DNAJC1: variants seen among roughly 807,000 people sequenced by gnomAD.
DNAJC1 encodes the protein dnaJ homolog subfamily C member 1.
DNAJC1 carries 58 observed loss-of-function variants against 76.6 expected under a neutral mutation model. That is an observed-to-expected ratio of 0.76 (90% CI 0.61 to 0.94). The LOEUF (loss-of-function observed/expected upper bound fraction) is 0.94. DNAJC1 is among the 40% of genes least tolerant of loss of function. DNAJC1 has a pLI of 0.00. For synonymous variants in DNAJC1, 258 were observed against 267.9 expected, an observed-to-expected ratio of 0.96 and a Z score of 0.36; for missense variants, 689 against 677.3, an observed-to-expected ratio of 1.02 and a Z score of -0.19.
chr10:21,949,067 T>A (rs980578648), intron 1 of DNAJC1, among the ~76,000 whole-genome samples: 2 of 152,182 alleles, frequency 1.3e-5, no homozygotes, highest in Admixed American at 1.3e-4. Flanking sequence ...AAAATCTGTA[T>A]GTATATTTGG....
rs557749157 is a variant in DNAJC1, at chr10:21,912,020, T to C, written c.729+6759A>G. On this transcript the variant is annotated intron_variant, in intron 6 of 11. Coordinates refer to ENST00000376980, the MANE Select transcript of DNAJC1 (RefSeq NM_022365.4). ...TGCAACTTAGGGTATTTTCTCCTTA[T>C]GATGGGCTTATCAGGATGCAATCGA... 4.4e-4 allele frequency among the ~76,000 whole-genome samples: 67 copies of C among 152,310 alleles called. 1 individual carries two copies. The highest frequency in any genetic ancestry group is 1.5e-3 in the African/African-American group (64 of 41,574).
chr10:21,817,862 T>C lies in DNAJC1; in HGVS notation c.979-11763A>G, dbSNP rs150743765. Among the ~76,000 whole-genome samples, 879 of 152,322 alleles carry C rather than the reference T, an allele frequency of 5.8e-3. 2 individuals carry two copies. The highest frequency in any genetic ancestry group is 0.02 in the African/African-American group (830 of 41,572). On this transcript the variant is annotated intron_variant, in intron 8 of 11. Coordinates refer to ENST00000376980, the MANE Select transcript of DNAJC1 (RefSeq NM_022365.4). ...TTATCACTTCCCCAATCAATACCCT[T>C]GTGATTTTCTATGCCTGTCTTTAAT...
At chr10:21,882,210 G>C (rs1836293065) in intron 8 of DNAJC1, 72 bp downstream of exon 8, 1 of 1,382,036 alleles carries the variant, frequency 7.2e-7, no homozygotes, top group South Asian at 1.3e-5. Flanking sequence ...ACTATATCGT[G>C]AGCTAACCCT....
At chr10:21,946,079 T>G (rs1189611825) in intron 1 of DNAJC1, among the ~76,000 whole-genome samples, 2 of 147,704 alleles carry the variant, frequency 1.4e-5, no homozygotes, top group African/African-American at 2.5e-5. Context: ...TTTGCTCTGT[T>G]GCCCAGGCTG....
intron 8 of DNAJC1, among the ~76,000 whole-genome samples, chr10:21,806,916 C>CTCTGCATTTTTCTCAGCACTAGCA (rs1390164960): frequency 6.6e-6 from 1 of 152,120 alleles, no homozygotes; most frequent in Non-Finnish European, 1.5e-5. Context: ...CAAGCATATT[C>CTCTGCATTTTTCTCAGCACTAGCA]TCTGCATTTT....
chr10:21,757,307 G>A (rs1232199273), intron 11 of DNAJC1, among the ~76,000 whole-genome samples: 1 of 152,140 alleles, frequency 6.6e-6, no homozygotes, highest in Non-Finnish European at 1.5e-5. Flanking sequence ...ACCTCAGCTG[G>A]CCACAGCTGT....
At chr10:21,800,117 C>A (rs907465834) in intron 9 of DNAJC1, among the ~76,000 whole-genome samples, 6 of 152,162 alleles carry the variant, frequency 3.9e-5, no homozygotes, top group African/African-American at 1.4e-4. Flanking sequence ...GTATTATTTA[C>A]TGAACAATGA....
At chr10:21,964,012 T>C (rs1837846523) in intron 1 of DNAJC1, among the ~76,000 whole-genome samples, 1 of 152,242 alleles carries the variant, frequency 6.6e-6, no homozygotes, top group Non-Finnish European at 1.5e-5. Flanking sequence ...TTGGAAGTCA[T>C]ATGCTCTATT....
At chr10:21,959,776 A>G (rs1478356072) in intron 1 of DNAJC1, among the ~76,000 whole-genome samples, 6 of 138,834 alleles carry the variant, frequency 4.3e-5, no homozygotes, top group African/African-American at 1.4e-4. Flanking sequence ...ACAGAGGGAG[A>G]CTCCATCTCA....
chr10:21,776,214 G>A (rs1442707342), intron 9 of DNAJC1, among the ~76,000 whole-genome samples: 1 of 152,124 alleles, frequency 6.6e-6, no homozygotes, highest in Non-Finnish European at 1.5e-5. Context: ...ACAGGCCAGA[G>A]CTAGGATCAG....
Position 21,906,153 on chromosome 10 carries a change from C to T in DNAJC1, c.730-1541G>A, listed in dbSNP as rs553613364. On this transcript the variant is annotated intron_variant, in intron 6 of 11. Coordinates refer to ENST00000376980, the MANE Select transcript of DNAJC1 (RefSeq NM_022365.4). ...ATGTATTGTTAATATAGTAAAAGATCTCTTAATTCTTTTCATCCCCACTTT... is the reference window on the plus strand; with the variant it reads ...ATGTATTGTTAATATAGTAAAAGATTTCTTAATTCTTTTCATCCCCACTTT... 2.9e-4 allele frequency among the ~76,000 whole-genome samples: 44 copies of T among 152,106 alleles called. No homozygotes were observed. The South Asian group carries it at 9.1e-3, about 32-fold the overall frequency.
At chr10:21,829,354 C>T (rs1010371926) in intron 8 of DNAJC1, among the ~76,000 whole-genome samples, 8 of 152,114 alleles carry the variant, frequency 5.3e-5, no homozygotes, top group Admixed American at 2.6e-4. Flanking sequence ...GGCGGGACTA[C>T]AGGCGCCCAC....
chr10:21,830,455 G>C (rs556835209), intron 8 of DNAJC1, among the ~76,000 whole-genome samples: 2 of 151,836 alleles, frequency 1.3e-5, no homozygotes, highest in Non-Finnish European at 2.9e-5. Context: ...CAGATGAGAA[G>C]GTAATTGGTA....
At chr10:21,882,141 G>A (rs559283835) in intron 8 of DNAJC1, 141 bp downstream of exon 8, 103 of 779,160 alleles carry the variant, frequency 1.3e-4, no homozygotes, top group Middle Eastern at 3.9e-4. Flanking sequence ...GTGACAGAGC[G>A]AGACTCTGTC....
intron 8 of DNAJC1, 124 bp from the exon 9 acceptor site, chr10:21,806,223 G>T: frequency 9.4e-7 from 1 of 1,058,260 alleles, no homozygotes; most frequent in Non-Finnish European, 1.3e-6. Flanking sequence ...TATGCTTTCT[G>T]TAAAAAACAA....
At chr10:21,820,721 G>C (rs1835144562) in intron 8 of DNAJC1, among the ~76,000 whole-genome samples, 1 of 152,220 alleles carries the variant, frequency 6.6e-6, no homozygotes. Context: ...TGACCAACTG[G>C]TTTCAAGTTG....
chr10:21,786,427 AATATATATATATATAT>A (rs71472824), intron 9 of DNAJC1, among the ~76,000 whole-genome samples: 519 of 31,380 alleles, frequency 0.017, 15 homozygotes, highest in African/African-American at 0.048. Flanking sequence ...TTAAAATGGG[AATATATATATATATAT>A]ATATATATAT....
chr10:21,999,847 T>C (rs1226012763), intron 1 of DNAJC1, among the ~76,000 whole-genome samples: 1 of 152,152 alleles, frequency 6.6e-6, no homozygotes, highest in Non-Finnish European at 1.5e-5. Context: ...ACTCATCCAG[T>C]TTTGTGGCTT....
chr10:21,858,806 A>G (rs1450692191), intron 8 of DNAJC1, among the ~76,000 whole-genome samples: 1 of 152,210 alleles, frequency 6.6e-6, no homozygotes, highest in African/African-American at 2.4e-5. Flanking sequence ...TTTTATTTTA[A>G]AAGAGTTTAT....
Sources: gnomAD v4.1 joint callset for allele counts (sites outside exome capture counted in the v4.1 genomes callset) on GRCh38, gnomAD v4.1.1 for gene constraint, MANE v1.5 for transcripts, NCBI Gene and HGNC (gene_info 2026-07-23, HGNC 2026-07-21) for gene names.